DCTN4: variants seen among roughly 807,000 people sequenced by gnomAD.
DCTN4 encodes dynactin 4 (p62).
A neutral mutation model predicts 62.7 loss-of-function variants in DCTN4; 23 were observed. That is an observed-to-expected ratio of 0.37 (90% CI 0.26 to 0.52). DCTN4 has a LOEUF of 0.52. Among genes scored for constraint, DCTN4 ranks in the 20% least tolerant of loss-of-function variants. The pLI is 0.92. For missense variants in DCTN4, 514 were observed against 580.4 expected, an observed-to-expected ratio of 0.89 and a Z score of 1.18; for synonymous variants, 199 against 202.1, an observed-to-expected ratio of 0.98 and a Z score of 0.13.
At chr5:150,728,898 G>C (rs1288134847) in intron 8 of DCTN4, among the ~76,000 whole-genome samples, 1 of 149,178 alleles carries the variant, frequency 6.7e-6, no homozygotes, top group Non-Finnish European at 1.5e-5. Flanking sequence ...TTTTTTAACA[G>C]ACAGGGTCTT....
intron 3 of DCTN4, among the ~76,000 whole-genome samples, chr5:150,745,941 C>A (rs1760945479): frequency 6.6e-6 from 1 of 151,742 alleles, no homozygotes; most frequent in Non-Finnish European, 1.5e-5. Context: ...TAACTAAAAT[C>A]AGAGCAGAAC....
At chr5:150,714,906 T>C (rs973901482) in intron 12 of DCTN4, among the ~76,000 whole-genome samples, 3 of 152,164 alleles carry the variant, frequency 2.0e-5, no homozygotes, top group African/African-American at 7.2e-5. Flanking sequence ...TAAGGGGTGG[T>C]AGCTGGCTCA....
At position 150,745,445 on chromosome 5, in the gene DCTN4, T is replaced by C. The variant is rs995606303; in HGVS notation, c.386-3288A>G. Among the ~76,000 whole-genome samples the C allele has an allele frequency of 1.7e-3, 253 of 152,264 alleles. 1 individual carries two copies. Among genetic ancestry groups the C allele is most frequent in the African/African-American group, 5.8e-3 (240 of 41,534 alleles). On this transcript the variant is annotated intron_variant, in intron 3 of 12. Coordinates refer to ENST00000447998, the MANE Select transcript of DCTN4 (RefSeq NM_016221.4). ...TCAGCTCTGCACCAACCAGACCTTA[T>C]AGACATCTACAGAACTCTCCACCCC...
chr5:150,756,531 A>G, intron 1 of DCTN4, 44 bp from the exon 2 acceptor site: 1 of 1,317,426 alleles, frequency 7.6e-7, no homozygotes, highest in Middle Eastern at 2.1e-4. Flanking sequence ...AGGAGAACTC[A>G]GTTTAACTTG....
chr5:150,726,793 C>T (rs991774903), intron 8 of DCTN4, among the ~76,000 whole-genome samples: 15 of 152,134 alleles, frequency 9.9e-5, no homozygotes, highest in African/African-American at 2.7e-4. Context: ...CCAAGTTTTG[C>T]AGCACTCTAA....
intron 3 of DCTN4, chr5:150,743,120 C>T (rs1760830168): frequency 6.5e-6 from 1 of 152,968 alleles, no homozygotes; most frequent in East Asian, 1.9e-4. Context: ...CCACTCCCAC[C>T]CGAATACTGC....
chr5:150,718,540 G>A (rs927403619), intron 10 of DCTN4, among the ~76,000 whole-genome samples, 157 bp from the exon 11 acceptor site: 6 of 152,118 alleles, frequency 3.9e-5, no homozygotes, highest in Non-Finnish European at 7.4e-5. Flanking sequence ...ACTGATCCCT[G>A]TTCTATTATC....
In DCTN4 at chr5:150,758,949, C is replaced by T. The variant is rs1752962951; in HGVS notation, c.45G>A (p.Gln15=). The T allele has an allele frequency of 1.2e-6, 2 of 1,614,046 alleles. No homozygotes were observed. Among genetic ancestry groups the T allele is most frequent in the South Asian group, 1.1e-5 (1 of 91,082 alleles). ...LQSDRVLYLV[Q]GEKKVRAPLS... ...GCGGGGCCCGAACCTTCTTTTCTCCCTGGACTAGATAGAGAACCCGGTCCG... is the reference window on the plus strand; with the variant it reads ...GCGGGGCCCGAACCTTCTTTTCTCCTTGGACTAGATAGAGAACCCGGTCCG... The change falls in exon 1 of 13, where the codon CAG becomes CAA. Residue 15 remains glutamine (Q), a synonymous_variant. Transcript: ENST00000447998.
At chr5:150,738,423 A>C (rs1015901091) in intron 4 of DCTN4, among the ~76,000 whole-genome samples, 1 of 152,240 alleles carries the variant, frequency 6.6e-6, no homozygotes, top group Non-Finnish European at 1.5e-5. Context: ...CACCATGATC[A>C]AGTGGGTTTA....
At chr5:150,727,573 G>C (rs892806957) in intron 8 of DCTN4, among the ~76,000 whole-genome samples, 1 of 151,760 alleles carries the variant, frequency 6.6e-6, no homozygotes, top group African/African-American at 2.4e-5. Flanking sequence ...TCAGAAGATC[G>C]AGACCATCCC....
rs116833926 is a variant in DCTN4, at chr5:150,753,397, C to T, written c.385+82G>A. 8.5e-5 allele frequency: 111 copies of T among 1,301,534 alleles called. No homozygotes were observed. The African/African-American group carries it at 1.3e-3, about 15-fold the overall frequency. 80.6% of individuals were successfully genotyped at this position (1,301,534 alleles called of 1,614,324 possible). A position where few individuals can be genotyped will look rare whatever the true frequency, so the allele number is the denominator to read the frequency against. The stretch of plus-strand genomic sequence containing the variant: ...CTGAATTTAGCTCCTATCGCCCCAA[C>T]GGGTTACAGAAATAATAATCTATGG... On this transcript the variant is annotated intron_variant, in intron 3 of 12. Transcript: ENST00000447998.
At chr5:150,732,821 A>G (rs374562146) in intron 5 of DCTN4, among the ~76,000 whole-genome samples, 2 of 152,258 alleles carry the variant, frequency 1.3e-5, no homozygotes, top group East Asian at 1.9e-4. Context: ...GTAAACTGGT[A>G]GAGAATGACT....
intron 10 of DCTN4, among the ~76,000 whole-genome samples, chr5:150,718,725 C>T (rs1382206605): frequency 3.3e-5 from 5 of 152,126 alleles, no homozygotes; most frequent in Non-Finnish European, 7.4e-5. Flanking sequence ...AGGAGGCCCT[C>T]ATAAATAAAA....
At chr5:150,753,163 C>T (rs1271960643) in intron 3 of DCTN4, among the ~76,000 whole-genome samples, 2 of 152,170 alleles carry the variant, frequency 1.3e-5, no homozygotes, top group Admixed American at 1.3e-4. Flanking sequence ...CCGTGCCCGG[C>T]CTTATCTTTT....
At chr5:150,740,855 T>C (rs1760742513) in intron 4 of DCTN4, among the ~76,000 whole-genome samples, 1 of 152,112 alleles carries the variant, frequency 6.6e-6, no homozygotes, top group Non-Finnish European at 1.5e-5. Context: ...GCTATGAGGA[T>C]GCAAAGGCAT....
At chr5:150,754,373 CACCTT>C (rs1315368574) in intron 2 of DCTN4, among the ~76,000 whole-genome samples, 1 of 152,200 alleles carries the variant, frequency 6.6e-6, no homozygotes, top group Non-Finnish European at 1.5e-5. Flanking sequence ...TAATAGTACT[CACCTT>C]ACAAGGAAGC....
chr5:150,712,258 T>C (rs1371244745), intron 12 of DCTN4, among the ~76,000 whole-genome samples: 1 of 151,640 alleles, frequency 6.6e-6, no homozygotes, highest in Non-Finnish European at 1.5e-5. Context: ...GCCTCCTGAG[T>C]AGCTGGGATT....
In DCTN4 at chr5:150,718,283, G is replaced by A. The variant is rs551227520; in HGVS notation, c.1064C>T (p.Thr355Ile). The change falls in exon 11 of 13, where the codon ACT (threonine) becomes ATT (isoleucine). Residue 355 changes from threonine to isoleucine, a missense_variant. Transcript: ENST00000447998. The stretch of plus-strand genomic sequence containing the variant: ...GAGGCAAAATGCTCCTACCTTAGCA[G>A]TGCTGTTGATATCATCAGGGTCCCC... ...EEGDPDDINSTAKVVVPPKEL... is the reference protein window; with the variant it reads ...EEGDPDDINSIAKVVVPPKEL... The A allele has an allele frequency of 1.2e-6, 2 of 1,612,238 alleles. No individual in the cohort carries two copies. Among genetic ancestry groups the A allele is most frequent in the Admixed American group, 3.3e-5 (2 of 60,004 alleles).
intron 2 of DCTN4, 82 bp downstream of exon 2, chr5:150,756,334 TG>T: frequency 1.0e-6 from 1 of 983,454 alleles, no homozygotes; most frequent in Non-Finnish European, 1.5e-6. Flanking sequence ...CCACCATGCC[TG>T]GCCCATGTGT....
Sources: allele counts gnomAD v4.1 joint callset (sites outside exome capture counted in the v4.1 genomes callset), GRCh38; gene constraint gnomAD v4.1.1; transcripts MANE v1.5; gene names NCBI Gene and HGNC (gene_info 2026-07-23, HGNC 2026-07-21).